Variants in NFATC2 observed in about 807,000 individuals in gnomAD.
The protein encoded by NFATC2 is nuclear factor of activated T-cells, cytoplasmic 2.
Under a neutral mutation model 87.3 loss-of-function variants are expected in NFATC2, and 22 were observed. That is an observed-to-expected ratio of 0.25 (90% CI 0.18 to 0.36). The LOEUF (loss-of-function observed/expected upper bound fraction) is 0.36, where lower values mean the gene tolerates loss of function less well. NFATC2 is among the 10% of genes least tolerant of loss of function. The pLI is 1.00. For synonymous variants in NFATC2, 565 were observed against 542.2 expected (o/e 1.04, Z -0.58); for missense variants, 1,149 against 1,259.1 (o/e 0.91, Z 1.32).
In NFATC2 at chr20:51,396,034, GTATGTATATATATATATATA is replaced by G. The variant is rs1248665324; in HGVS notation, c.*44+2589_*44+2608del. ...AAGAGCTGTAGTTTGTCAGCTCCTAGTATGTATATATATATATATATATATATATATATATATATATATAT... is the reference window on the plus strand; with the variant it reads ...AAGAGCTGTAGTTTGTCAGCTCCTAGTATATATATATATATATATATATAT... On this transcript the variant is annotated intron_variant, in intron 10 of 10. Transcript: ENST00000371564. 3.8e-3 allele frequency among the ~76,000 whole-genome samples: 481 copies of G among 126,482 alleles called. 11 individuals carry two copies. Among genetic ancestry groups the G allele is most frequent in the African/African-American group, 0.013 (454 of 35,474 alleles). The allele number at this position is 126,482 out of a possible 152,430, so 83.0% of individuals were successfully genotyped here.
intron 3 of NFATC2, among the ~76,000 whole-genome samples, chr20:51,499,165 G>A (rs1332165926): frequency 6.6e-6 from 1 of 152,190 alleles, no homozygotes; most frequent in African/African-American, 2.4e-5. Flanking sequence ...TGGGGGTGGT[G>A]TAGACCAAGG....
chr20:51,417,608 C>T (rs1319162276), intron 9 of NFATC2, among the ~76,000 whole-genome samples: 4 of 152,190 alleles, frequency 2.6e-5, no homozygotes, highest in South Asian at 2.1e-4. Flanking sequence ...TATTGAACTC[C>T]GCACTTAGTC....
At chr20:51,494,772 G>C (rs1329078167) in intron 3 of NFATC2, among the ~76,000 whole-genome samples, 2 of 152,214 alleles carry the variant, frequency 1.3e-5, no homozygotes, top group Non-Finnish European at 2.9e-5. Flanking sequence ...TTTGTCGTAA[G>C]AGGGGAAAGC....
Position 51,396,221 on chromosome 20 carries a change from T to C in NFATC2, c.*44+2422A>G, listed in dbSNP as rs138396517. On this transcript the variant is annotated intron_variant, in intron 10 of 10. Coordinates refer to ENST00000371564, the MANE Select transcript of NFATC2 (RefSeq NM_012340.5). Reference sequence around the variant, plus strand: ...AAACTGACTTCTGTTAGTATCCCATTCTGCACTAGGAATTTTCTGTTTTGC... The same window carrying C: ...AAACTGACTTCTGTTAGTATCCCATCCTGCACTAGGAATTTTCTGTTTTGC... Among the ~76,000 whole-genome samples, 709 of 151,898 alleles carry C rather than the reference T, an allele frequency of 4.7e-3. 11 individuals carry two copies. Among genetic ancestry groups the C allele is most frequent in the African/African-American group, 0.017 (686 of 41,408 alleles).
At chr20:51,459,483 G>A (rs1279692162) in intron 5 of NFATC2, among the ~76,000 whole-genome samples, 1 of 152,184 alleles carries the variant, frequency 6.6e-6, no homozygotes, top group Admixed American at 6.5e-5. Flanking sequence ...GGTTTTCTCA[G>A]CCTGATGTCA....
chr20:51,401,345 AAAAT>A (rs1988023639), intron 9 of NFATC2, among the ~76,000 whole-genome samples: 1 of 152,088 alleles, frequency 6.6e-6, no homozygotes, highest in Non-Finnish European at 1.5e-5. Context: ...CAAAAAAATA[AAAAT>A]AAATGAGATG....
intron 3 of NFATC2, among the ~76,000 whole-genome samples, chr20:51,492,210 G>A (rs1029422555): frequency 6.6e-6 from 1 of 151,816 alleles, no homozygotes; most frequent in Admixed American, 6.6e-5. Flanking sequence ...TCTAGACGAG[G>A]TCCCTGGCTG....
chr20:51,555,412 T>C (rs2146840317), intron 1 of NFATC2, among the ~76,000 whole-genome samples: 1 of 152,106 alleles, frequency 6.6e-6, no homozygotes, highest in South Asian at 2.1e-4. Context: ...GCTAACACAG[T>C]GAAACCCCGT....
chr20:51,426,051 A>T (rs566308930), intron 9 of NFATC2, among the ~76,000 whole-genome samples: 1 of 152,322 alleles, frequency 6.6e-6, no homozygotes, highest in South Asian at 2.1e-4. Context: ...ACGTCCACTC[A>T]TCTATCCCAT....
intron 1 of NFATC2, among the ~76,000 whole-genome samples, chr20:51,533,223 G>A (rs1195532398): frequency 6.6e-6 from 1 of 152,238 alleles, no homozygotes; most frequent in East Asian, 1.9e-4. Context: ...AACAGAGCAG[G>A]AAGGTGGACA....
intron 9 of NFATC2, among the ~76,000 whole-genome samples, chr20:51,405,435 T>TCTCA (rs1568934642): frequency 7.3e-5 from 11 of 151,326 alleles, no homozygotes; most frequent in Non-Finnish European, 1.3e-4. Flanking sequence ...CTCACACGTG[T>TCTCA]CATCTCACCG....
rs753475209 is a variant in NFATC2, at chr20:51,523,997, G to A, written c.244C>T (p.Pro82Ser). ...YSPLASLSGEPPGRFGEPDRV... is the reference protein window; with the variant it reads ...YSPLASLSGESPGRFGEPDRV... ...TCCGGCTCTCCGAATCGGCCGGGGG[G>A]CTCGCCAGAGAGACTAGCAAGGGGG... The change falls in exon 2 of 11, where the codon CCC becomes TCC. Residue 82 changes from proline to serine, a missense_variant. Transcript: ENST00000371564. The surrounding 1 kb of genome is among the most constrained non-coding windows in gnomAD (Gnocchi z 6.9). 17 of 1,567,904 alleles carry A rather than the reference G, an allele frequency of 1.1e-5. 1 individual carries two copies. In the Middle Eastern group the frequency reaches 6.8e-4, roughly 63 times the overall value.
chr20:51,440,887 C>G lies in NFATC2; in HGVS notation c.1850-5126G>C, dbSNP rs567275039. Reference sequence around the variant, plus strand: ...TTTTCCCAGGCTCCTCCTCCCCACTCCACCCCGCATCCACGGGTGCACAAG... The same window carrying G: ...TTTTCCCAGGCTCCTCCTCCCCACTGCACCCCGCATCCACGGGTGCACAAG... On this transcript the variant is annotated intron_variant, in intron 6 of 10. Coordinates refer to ENST00000371564, the MANE Select transcript of NFATC2 (RefSeq NM_012340.5). Among the ~76,000 whole-genome samples the G allele has an allele frequency of 2.6e-5, 4 of 152,386 alleles. No individual in the cohort carries two copies. The East Asian group carries it at 7.7e-4, about 29-fold the overall frequency.
In NFATC2 at chr20:51,457,545, T is replaced by C. The variant is rs187203565; in HGVS notation, c.1709-2857A>G. Among the ~76,000 whole-genome samples, 184 of 152,050 alleles carry C rather than the reference T, an allele frequency of 1.2e-3. 2 individuals are homozygous for C. The highest frequency in any genetic ancestry group is 0.012 in the Admixed American group (177 of 15,274). ...GTCTCAGCAACCAACAGATTCAACC[T>C]TTGCCAAGTCTGCATTTCCTACCTC... On this transcript the variant is annotated intron_variant, in intron 5 of 10. Transcript: ENST00000371564.
intron 1 of NFATC2, among the ~76,000 whole-genome samples, chr20:51,525,640 G>T (rs2076532479): frequency 6.6e-6 from 1 of 151,286 alleles, no homozygotes; most frequent in African/African-American, 2.4e-5. Flanking sequence ...CCTCACATCT[G>T]ATCCATCATC....
At chr20:51,487,403 TG>T (rs1180805096) in intron 3 of NFATC2, among the ~76,000 whole-genome samples, 2 of 152,192 alleles carry the variant, frequency 1.3e-5, no homozygotes, top group Non-Finnish European at 1.5e-5. Flanking sequence ...ACCTAGGTGA[TG>T]GGTTGACAGG....
intron 9 of NFATC2, among the ~76,000 whole-genome samples, chr20:51,403,046 C>T (rs1288136974): frequency 6.6e-6 from 1 of 152,204 alleles, no homozygotes; most frequent in East Asian, 1.9e-4. Flanking sequence ...TGGGACACAC[C>T]TCCCCCCAAC....
rs59053833 is a variant in NFATC2, at chr20:51,406,895, C to T, written c.2723-8165G>A. Reference sequence around the variant, plus strand: ...TATGACCACTTGCTGGCCGCCTCGTCGGAATTCCATCTTGATTGACTCTCC... The same window carrying T: ...TATGACCACTTGCTGGCCGCCTCGTTGGAATTCCATCTTGATTGACTCTCC... On this transcript the variant is annotated intron_variant, in intron 9 of 10. Coordinates refer to ENST00000371564, the MANE Select transcript of NFATC2 (RefSeq NM_012340.5). 2.2e-3 allele frequency among the ~76,000 whole-genome samples: 341 copies of T among 152,296 alleles called. 4 individuals are homozygous for T. In the East Asian group the frequency reaches 0.035, roughly 16 times the overall value.
At position 51,454,692 on chromosome 20, in the gene NFATC2, C is replaced by T; in HGVS notation, c.1709-4G>A. The T allele has an allele frequency of 6.2e-7, 1 of 1,613,570 alleles. No individual in the cohort carries two copies. Among genetic ancestry groups the T allele is most frequent in the Non-Finnish European group, 8.5e-7 (1 of 1,179,880 alleles). On this transcript the variant is annotated splice_region_variant and splice_polypyrimidine_tract_variant and intron_variant, in intron 5 of 10. Coordinates refer to ENST00000371564, the MANE Select transcript of NFATC2 (RefSeq NM_012340.5). ...AGCTCGTGAGCAGATCGCTGGGCTG[C>T]AGGCAAAAGAGAGAGAAGTCACTGT...
Sources: gnomAD v4.1 joint callset for allele counts (sites outside exome capture counted in the v4.1 genomes callset) on GRCh38, gnomAD v4.1.1 for gene constraint, Gnocchi (gnomAD v3.1) non-coding constraint, MANE v1.5 for transcripts, NCBI Gene and HGNC (gene_info 2026-07-23, HGNC 2026-07-21) for gene names.